Variants in KAZN observed in about 807,000 individuals in gnomAD.
The protein encoded by KAZN is kazrin.
In KAZN, 40 loss-of-function variants were observed where a neutral mutation model predicts 87.4. That is an observed-to-expected ratio of 0.46 (90% CI 0.36 to 0.60). The LOEUF (loss-of-function observed/expected upper bound fraction) is 0.60, where lower values mean the gene tolerates loss of function less well. Among genes scored for constraint, KAZN ranks in the 20% least tolerant of loss-of-function variants. KAZN has a pLI of 0.00. For synonymous variants in KAZN, 466 were observed against 458.3 expected, an observed-to-expected ratio of 1.02 and a Z score of -0.22; for missense variants, 898 against 1,073.9, an observed-to-expected ratio of 0.84 and a Z score of 2.29.
At chr1:13,979,365 A>G (rs1638543675) in intron 1 of KAZN, among the ~76,000 whole-genome samples, 2 of 152,218 alleles carry the variant, frequency 1.3e-5, no homozygotes, top group African/African-American at 4.8e-5. Context: ...GATGAAAACC[A>G]GGTGACAATA....
At chr1:14,414,894 T>C (rs1664622061) in intron 2 of KAZN, among the ~76,000 whole-genome samples, 1 of 152,108 alleles carries the variant, frequency 6.6e-6, no homozygotes, top group African/African-American at 2.4e-5. Context: ...GGTATGGTGG[T>C]GCACACCTGT....
At chr1:14,290,927 C>T (rs1451976294) in intron 2 of KAZN, among the ~76,000 whole-genome samples, 1 of 152,202 alleles carries the variant, frequency 6.6e-6, no homozygotes, top group Non-Finnish European at 1.5e-5. Context: ...TTCCTTCTAA[C>T]AGTCAGGTCC....
chr1:14,986,140 G>A (rs1666800489), intron 2 of KAZN, among the ~76,000 whole-genome samples: 1 of 151,794 alleles, frequency 6.6e-6, no homozygotes, highest in African/African-American at 2.4e-5. Context: ...CTGGATCGGA[G>A]GGGTGAAAAA....
At position 14,568,535 on chromosome 1, in the gene KAZN, C is replaced by T. The variant is rs571276983; in HGVS notation, c.250-30448C>T. ...GTGCAGGGGAACTCCCGTTTATAAA[C>T]CATCAGATCTCGTGAGACTTATTCA... On this transcript the variant is annotated intron_variant, in intron 2 of 16. Transcript: ENST00000636203. Among the ~76,000 whole-genome samples, 5 of 152,258 alleles carry T rather than the reference C, an allele frequency of 3.3e-5. No homozygotes were observed. The South Asian group carries it at 8.3e-4, about 25-fold the overall frequency.
chr1:14,765,476 A>T lies in KAZN; in HGVS notation c.226+166253A>T, dbSNP rs115651233. Among the ~76,000 whole-genome samples the T allele has an allele frequency of 2.6e-3, 398 of 152,302 alleles. 1 individual carries two copies. The highest frequency in any genetic ancestry group is 8.7e-3 in the African/African-American group (362 of 41,558). Reference sequence around the variant, plus strand: ...CCCCCAGATCTAGAACTTGCCCCTCAGAGGTGGGGTTTCAATTGAATTGTG... The same window carrying T: ...CCCCCAGATCTAGAACTTGCCCCTCTGAGGTGGGGTTTCAATTGAATTGTG... On this transcript the variant is annotated intron_variant, in intron 1 of 14. Transcript: ENST00000376030.
intron 2 of KAZN, among the ~76,000 whole-genome samples, chr1:14,473,772 G>A (rs113902822): frequency 6.6e-6 from 1 of 151,970 alleles, no homozygotes; most frequent in Non-Finnish European, 1.5e-5. Flanking sequence ...TACTAGCCTC[G>A]TTTCTACTCC....
chr1:14,913,293 C>T (rs1657446797), intron 1 of KAZN, among the ~76,000 whole-genome samples: 1 of 152,164 alleles, frequency 6.6e-6, no homozygotes, highest in Non-Finnish European at 1.5e-5. Context: ...ACATTCCACT[C>T]CCAAAGGTCA....
At chr1:14,904,274 C>T (rs1435516797) in intron 1 of KAZN, among the ~76,000 whole-genome samples, 1 of 143,666 alleles carries the variant, frequency 7.0e-6, no homozygotes. Context: ...CACTGCAGTC[C>T]GGCCTGGGCG....
intron 1 of KAZN, among the ~76,000 whole-genome samples, chr1:13,978,059 C>T (rs1025537273): frequency 3.2e-5 from 4 of 124,292 alleles, no homozygotes; most frequent in South Asian, 2.7e-4. Context: ...ACCTGGGAGG[C>T]GGAGGTTGCA....
intron 2 of KAZN, among the ~76,000 whole-genome samples, chr1:14,190,847 A>G (rs561775704): frequency 5.4e-4 from 82 of 152,230 alleles, no homozygotes; most frequent in African/African-American, 1.8e-3. Flanking sequence ...CAGCATAACC[A>G]CTAATCTGCA....
intron 1 of KAZN, among the ~76,000 whole-genome samples, chr1:13,927,472 G>A (rs1640326999): frequency 6.6e-6 from 1 of 152,116 alleles, no homozygotes; most frequent in African/African-American, 2.4e-5. Flanking sequence ...GGAATAGCTG[G>A]GCAAAGAACC....
Position 15,096,671 on chromosome 1 carries a change from C to T in KAZN, c.1547+1738C>T, listed in dbSNP as rs1034264263. Among the ~76,000 whole-genome samples, 1 of 152,206 alleles carries T rather than the reference C, an allele frequency of 6.6e-6. No homozygotes were observed. Among genetic ancestry groups the T allele is most frequent in the East Asian group, 1.9e-4 (1 of 5,194 alleles). The stretch of plus-strand genomic sequence containing the variant: ...GCATGGTTGGGACCTGGGGAGGGCT[C>T]TCTTCCTGGCTTGCAGAAGGCAACC... On this transcript the variant is annotated intron_variant, in intron 10 of 14. Coordinates refer to ENST00000376030, the MANE Select transcript of KAZN (RefSeq NM_201628.3). This position sits in a 1 kb window ranked among gnomAD's most constrained non-coding sequence, Gnocchi z 4.5.
chr1:14,151,234 A>G (rs1645468020), intron 1 of KAZN, among the ~76,000 whole-genome samples: 2 of 152,224 alleles, frequency 1.3e-5, no homozygotes, highest in African/African-American at 2.4e-5. Context: ...TGAGTGACCA[A>G]TGTAACATAA....
intron 1 of KAZN, among the ~76,000 whole-genome samples, chr1:14,701,694 G>A (rs989299522): frequency 1.3e-5 from 2 of 152,192 alleles, no homozygotes; most frequent in Non-Finnish European, 2.9e-5. Flanking sequence ...CTACTTGGGA[G>A]GCTGAGGTGG....
chr1:14,304,290 G>C (rs1654767589), intron 2 of KAZN, among the ~76,000 whole-genome samples: 1 of 152,180 alleles, frequency 6.6e-6, no homozygotes, highest in Non-Finnish European at 1.5e-5. Flanking sequence ...ATCTCCAAAG[G>C]ACACTTTTCT....
At chr1:14,165,868 C>A (rs1384878440) in intron 1 of KAZN, among the ~76,000 whole-genome samples, 1 of 152,148 alleles carries the variant, frequency 6.6e-6, no homozygotes, top group African/African-American at 2.4e-5. Context: ...ACATAGAGTC[C>A]AGTCCTGTGA....
chr1:14,912,004 T>A (rs1394298020), intron 1 of KAZN, among the ~76,000 whole-genome samples: 1 of 151,758 alleles, frequency 6.6e-6, no homozygotes, highest in East Asian at 1.9e-4. Flanking sequence ...ATACAAAAAA[T>A]AGCTGGGTGT....
At chr1:14,339,330 T>C (rs1012711358) in intron 2 of KAZN, among the ~76,000 whole-genome samples, 35 of 152,108 alleles carry the variant, frequency 2.3e-4, no homozygotes, top group African/African-American at 7.5e-4. Flanking sequence ...CTCTAATAAA[T>C]ATGAATTAAA....
rs557214466 is a variant in KAZN, at chr1:14,763,060, C to T, written c.226+163837C>T. On this transcript the variant is annotated intron_variant, in intron 1 of 14. Transcript: ENST00000376030. ...GGACTTTCTCCTCATCCTGTTTTGA[C>T]ACCGAATCTTGGTCTTAGGATGGCT... Among the ~76,000 whole-genome samples the T allele has an allele frequency of 4.6e-5, 7 of 152,314 alleles. No individual in the cohort carries two copies. In the South Asian group the frequency reaches 1.2e-3, roughly 27 times the overall value.
Sources: allele counts gnomAD v4.1 joint callset (sites outside exome capture counted in the v4.1 genomes callset), GRCh38; gene constraint gnomAD v4.1.1; non-coding constraint Gnocchi (gnomAD v3.1); transcripts MANE v1.5; gene names NCBI Gene and HGNC (gene_info 2026-07-23, HGNC 2026-07-21).